Variants in TNFRSF19 observed in about 807,000 individuals in gnomAD.
The protein encoded by TNFRSF19 is tumor necrosis factor receptor superfamily member 19.
A neutral mutation model predicts 46.4 loss-of-function variants in TNFRSF19; 27 were observed. That is an observed-to-expected ratio of 0.58 (90% CI 0.43 to 0.80). The LOEUF (loss-of-function observed/expected upper bound fraction) is 0.80. TNFRSF19 is among the 30% of genes least tolerant of loss of function. TNFRSF19 has a pLI of 0.00. For synonymous variants in TNFRSF19, 204 were observed against 205.0 expected, an observed-to-expected ratio of 1.00 and a Z score of 0.04; for missense variants, 511 against 530.8, an observed-to-expected ratio of 0.96 and a Z score of 0.37.
At chr13:23,672,850 T>C (rs969538836) in intron 9 of TNFRSF19, among the ~76,000 whole-genome samples, 5 of 152,242 alleles carry the variant, frequency 3.3e-5, no homozygotes, top group African/African-American at 9.6e-5. Flanking sequence ...GCTAGGGAGA[T>C]TGTTATAAGA....
chr13:23,581,132 C>CTTTTTTTTTTTTTTT (rs746641461), intron 1 of TNFRSF19, among the ~76,000 whole-genome samples: 1 of 143,666 alleles, frequency 7.0e-6, no homozygotes, highest in African/African-American at 2.6e-5. Context: ...TTTTTCTTTT[C>CTTTTTTTTTTTTTTT]TTTTTTTTTT....
chr13:23,663,697 G>T, intron 7 of TNFRSF19, among the ~76,000 whole-genome samples: 1 of 152,042 alleles, frequency 6.6e-6, no homozygotes, highest in East Asian at 1.9e-4. Flanking sequence ...GCTCATTTTC[G>T]TTCTGTTCAG....
chr13:23,604,435 C>T (rs1880378891), intron 3 of TNFRSF19, among the ~76,000 whole-genome samples: 1 of 152,060 alleles, frequency 6.6e-6, no homozygotes, highest in South Asian at 2.1e-4. Context: ...TGTTTCTCAA[C>T]TTGATTTATA....
At chr13:23,611,871 A>G (rs1267936320) in intron 3 of TNFRSF19, among the ~76,000 whole-genome samples, 5 of 152,170 alleles carry the variant, frequency 3.3e-5, no homozygotes, top group Admixed American at 2.0e-4. Flanking sequence ...CTCCAGCTCT[A>G]TCCATGCAAG....
At chr13:23,661,470 C>A (rs551552142) in intron 7 of TNFRSF19, among the ~76,000 whole-genome samples, 4 of 152,304 alleles carry the variant, frequency 2.6e-5, no homozygotes, top group African/African-American at 9.6e-5. Context: ...GATTCCATGT[C>A]TTTGCTATTG....
chr13:23,575,146 C>A (rs181540295), intron 1 of TNFRSF19, among the ~76,000 whole-genome samples: 171 of 152,308 alleles, frequency 1.1e-3, no homozygotes, highest in Non-Finnish European at 1.8e-3. Flanking sequence ...GTCGGGGAGT[C>A]CACCATGTTC....
intron 5 of TNFRSF19, among the ~76,000 whole-genome samples, chr13:23,646,683 T>C (rs1883351331): frequency 6.6e-6 from 1 of 152,216 alleles, no homozygotes; most frequent in Non-Finnish European, 1.5e-5. Flanking sequence ...TAACTAGTCA[T>C]CTGCTGATGG....
intron 5 of TNFRSF19, among the ~76,000 whole-genome samples, chr13:23,646,058 T>C (rs908809152): frequency 6.6e-6 from 1 of 152,160 alleles, no homozygotes; most frequent in Admixed American, 6.5e-5. Context: ...CAAACAGTTC[T>C]CAAATCAAGC....
intron 9 of TNFRSF19, among the ~76,000 whole-genome samples, chr13:23,670,677 C>T (rs1951746971): frequency 6.6e-6 from 1 of 152,138 alleles, no homozygotes; most frequent in African/African-American, 2.4e-5. Flanking sequence ...ACTGAGAGGC[C>T]CCAGCAGCCG....
chr13:23,629,648 T>C (rs542162867), intron 5 of TNFRSF19, among the ~76,000 whole-genome samples: 1 of 152,346 alleles, frequency 6.6e-6, no homozygotes, highest in Non-Finnish European at 1.5e-5. Flanking sequence ...GGTGTAACCT[T>C]GGGCAAATAG....
intron 3 of TNFRSF19, among the ~76,000 whole-genome samples, chr13:23,602,109 CTG>C (rs1447163992): frequency 6.6e-6 from 1 of 152,124 alleles, no homozygotes; most frequent in African/African-American, 2.4e-5. Context: ...AGATCCAACT[CTG>C]TGGTCTACAA....
At chr13:23,663,144 G>A (rs1382568068) in intron 7 of TNFRSF19, among the ~76,000 whole-genome samples, 2 of 152,190 alleles carry the variant, frequency 1.3e-5, no homozygotes, top group African/African-American at 4.8e-5. Flanking sequence ...TATGATGTTG[G>A]CTGTGGGTTT....
In TNFRSF19 at chr13:23,626,713, T is replaced by C. The variant is rs1340781065; in HGVS notation, c.366T>C (p.Tyr122=). Residue 122 remains tyrosine (Y), a synonymous_variant, in exon 5 of 10, where the codon TAT becomes TAC. Transcript: ENST00000248484. ...ATTTTCCTTTCTCTTCTAGATTTTATAGGAAGACGAAACTTGTCGGCTTTC... is the reference window on the plus strand; with the variant it reads ...ATTTTCCTTTCTCTTCTAGATTTTACAGGAAGACGAAACTTGTCGGCTTTC... ...AICGDCLPGF[Y]RKTKLVGFQD... 1.2e-6 allele frequency: 2 copies of C among 1,614,000 alleles called. No homozygotes were observed. The highest frequency in any genetic ancestry group is 1.3e-5 in the African/African-American group (1 of 74,944).
chr13:23,617,210 A>G (rs896664529), intron 4 of TNFRSF19, among the ~76,000 whole-genome samples: 2 of 152,182 alleles, frequency 1.3e-5, no homozygotes, highest in African/African-American at 4.8e-5. Context: ...CCAGGAGGCC[A>G]AGGGAGTGGC....
intron 5 of TNFRSF19, among the ~76,000 whole-genome samples, chr13:23,652,162 T>C (rs935299799): frequency 2.6e-5 from 4 of 152,194 alleles, no homozygotes; most frequent in Admixed American, 1.3e-4. Flanking sequence ...AAGACAAATA[T>C]AGGTTCCTGT....
chr13:23,576,648 T>C (rs1256248291), intron 1 of TNFRSF19, among the ~76,000 whole-genome samples: 7 of 152,222 alleles, frequency 4.6e-5, no homozygotes, highest in Middle Eastern at 3.2e-3. Flanking sequence ...TAAATTTGCA[T>C]ATGCTCTGAA....
At chr13:23,637,659 A>AT (rs34327146) in intron 5 of TNFRSF19, among the ~76,000 whole-genome samples, 12,026 of 152,154 alleles carry the variant, frequency 0.079, 654 homozygotes, top group Non-Finnish European at 0.11. Context: ...ACAGATATAC[A>AT]TTTTTTTCTT....
chr13:23,623,102 C>G (rs186281011), intron 4 of TNFRSF19, among the ~76,000 whole-genome samples: 1 of 152,156 alleles, frequency 6.6e-6, no homozygotes, highest in Admixed American at 6.5e-5. Context: ...ACCCGTTAAA[C>G]AACTCCCCTT....
At chr13:23,649,747 G>A (rs1883531056) in intron 5 of TNFRSF19, among the ~76,000 whole-genome samples, 1 of 151,766 alleles carries the variant, frequency 6.6e-6, no homozygotes, top group Non-Finnish European at 1.5e-5. Context: ...GGTATGTTGT[G>A]TTTTTACTTT....
Sources: allele counts gnomAD v4.1 joint callset (sites outside exome capture counted in the v4.1 genomes callset), GRCh38; gene constraint gnomAD v4.1.1; transcripts MANE v1.5; gene names NCBI Gene and HGNC (gene_info 2026-07-23, HGNC 2026-07-21).